Variants in MATR3 observed in about 807,000 individuals in gnomAD.
MATR3 encodes the protein matrin-3.
A neutral mutation model predicts 85.5 loss-of-function variants in MATR3; 4 were observed. The observed-to-expected ratio is 0.05, with a 90% confidence interval of 0.02 to 0.11. The LOEUF (loss-of-function observed/expected upper bound fraction) is 0.11. MATR3 is among the 10% of genes least tolerant of loss of function. The pLI is 1.00. For synonymous variants in MATR3, 336 were observed against 343.1 expected, an observed-to-expected ratio of 0.98 and a Z score of 0.23; for missense variants, 685 against 1,016.1, an observed-to-expected ratio of 0.67 and a Z score of 4.43.
At chr5:139,276,853 A>C (rs1026738730) in intron 2 of MATR3, among the ~76,000 whole-genome samples, 2 of 152,194 alleles carry the variant, frequency 1.3e-5, no homozygotes, top group Non-Finnish European at 2.9e-5. Context: ...TATTAGGGAA[A>C]CATTGATGGT....
intron 3 of MATR3, among the ~76,000 whole-genome samples, chr5:139,284,556 T>C (rs577580897): frequency 2.6e-5 from 4 of 151,552 alleles, no homozygotes; most frequent in Admixed American, 2.6e-4. Flanking sequence ...TGCAGTGAGC[T>C]GAGATCGTGC....
chr5:139,287,019 A>G (rs1753728845), intron 3 of MATR3, among the ~76,000 whole-genome samples: 1 of 152,192 alleles, frequency 6.6e-6, no homozygotes, highest in Non-Finnish European at 1.5e-5. Context: ...CAATAGTAAT[A>G]AATAGTCTCT....
rs771163425 is a variant in MATR3, at chr5:139,307,874, C to T, written c.459C>T (p.Gly153=). The T allele has an allele frequency of 1.2e-6, 2 of 1,614,038 alleles. No individual in the cohort carries two copies. Among genetic ancestry groups the T allele is most frequent in the Non-Finnish European group, 1.7e-6 (2 of 1,179,998 alleles). ...LQLKRRRTEE[G]PTLSYGRDGR... Reference sequence around the variant, plus strand: ...TTAAAAGGAGGAGAACTGAAGAAGGCCCTACCTTGAGTTATGGTAGAGATG... The same window carrying T: ...TTAAAAGGAGGAGAACTGAAGAAGGTCCTACCTTGAGTTATGGTAGAGATG... The change falls in exon 2 of 15, where the codon GGC becomes GGT. Residue 153 remains glycine, a synonymous_variant. Coordinates refer to ENST00000394805, the MANE Select transcript of MATR3 (RefSeq NM_018834.6). The surrounding 1 kb of genome is among the most constrained non-coding windows in gnomAD (Gnocchi z 4.4).
intron 1 of MATR3, chr5:139,299,751 G>T (rs1157654645): frequency 6.6e-6 from 1 of 152,196 alleles, no homozygotes; most frequent in Non-Finnish European, 1.5e-5. Context: ...GATGTTTCAG[G>T]TTGTTTATGT....
intron 9 of MATR3, among the ~76,000 whole-genome samples, chr5:139,321,345 G>A (rs1468656224): frequency 6.6e-6 from 1 of 152,008 alleles, no homozygotes; most frequent in South Asian, 2.1e-4. Context: ...TAGAGATGGG[G>A]TTTCACCATA....
At chr5:139,316,841 C>T (rs1044183039) in intron 5 of MATR3, among the ~76,000 whole-genome samples, 3 of 152,090 alleles carry the variant, frequency 2.0e-5, no homozygotes, top group African/African-American at 7.2e-5. Context: ...TCACCACACC[C>T]GGCCCCATTC....
chr5:139,308,962 T>G (rs1754837637), intron 2 of MATR3, among the ~76,000 whole-genome samples: 1 of 152,202 alleles, frequency 6.6e-6, no homozygotes, highest in Non-Finnish European at 1.5e-5. Context: ...AAAACTCACT[T>G]TTTATTATCC....
At chr5:139,315,008 A>G (rs564087234) in intron 3 of MATR3, 81 of 402,570 alleles carry the variant, frequency 2.0e-4, no homozygotes, top group African/African-American at 1.6e-3. Context: ...AGACATAGTG[A>G]AAGATAGTAT....
intron 9 of MATR3, among the ~76,000 whole-genome samples, chr5:139,320,131 A>AC (rs1300520330): frequency 6.7e-6 from 1 of 149,602 alleles, no homozygotes; most frequent in Non-Finnish European, 1.5e-5. Context: ...ACACAGTGAA[A>AC]CCCCCTCTCT....
intron 3 of MATR3, chr5:139,285,225 C>G (rs893662527): frequency 2.6e-5 from 4 of 152,234 alleles, no homozygotes; most frequent in Admixed American, 2.0e-4. Context: ...CAGATTCTTA[C>G]AACTATTTCA....
At chr5:139,326,516 G>C (rs1755861037) in intron 14 of MATR3, among the ~76,000 whole-genome samples, 2 of 151,564 alleles carry the variant, frequency 1.3e-5, no homozygotes, top group African/African-American at 4.9e-5. Flanking sequence ...TACCTCCTGG[G>C]TTCAAGCAAT....
intron 1 of MATR3, chr5:139,294,929 T>C (rs1330134601): frequency 6.6e-6 from 1 of 152,158 alleles, no homozygotes; most frequent in Non-Finnish European, 1.5e-5. Context: ...CTAGAACGGT[T>C]ATGGTGGTTC....
chr5:139,330,776 T>C lies in MATR3; in HGVS notation c.*1381T>C, dbSNP rs904380790. The C allele has an allele frequency of 2.2e-6, 1 of 454,008 alleles. No individual in the cohort carries two copies. The highest frequency in any genetic ancestry group is 2.0e-5 in the African/African-American group (1 of 50,016). The allele number at this position is 454,008 out of a possible 1,614,324, so 28.1% of individuals were successfully genotyped here. ...AATAATTACGTAGAGACTCTTGGTA[T>C]ATTGGATTATCTGTTGTAAACAATT... On this transcript the variant is annotated 3_prime_UTR_variant, in exon 15 of 15. Transcript: ENST00000394805.
intron 7 of MATR3, 96 bp from the exon 8 acceptor site, chr5:139,318,812 T>G (rs555610885): frequency 3.7e-6 from 4 of 1,092,136 alleles, no homozygotes; most frequent in Non-Finnish European, 5.6e-6. Flanking sequence ...CTGAAAAGAT[T>G]TGGGGCATTG....
Position 139,330,815 on chromosome 5 carries a change from T to C in MATR3, c.*1420T>C, listed in dbSNP as rs1171574440. On this transcript the variant is annotated 3_prime_UTR_variant, in exon 15 of 15. Transcript: ENST00000394805. ...TTGTAAACAATTTTTTTTTCTTCCC[T>C]GACACAGGGTCTCACTCTGTCACCC... The C allele has an allele frequency of 8.8e-6, 4 of 454,002 alleles. No individual in the cohort carries two copies. The highest frequency in any genetic ancestry group is 4.0e-5 in the African/African-American group (2 of 50,016). 28.1% of individuals were successfully genotyped at this position (454,002 alleles called of 1,614,324 possible). A position where few individuals can be genotyped will look rare whatever the true frequency, so the allele number is the denominator to read the frequency against.
chr5:139,280,420 AATGTTATCAAT>A (rs1022685103), intron 3 of MATR3: 7 of 152,214 alleles, frequency 4.6e-5, no homozygotes, highest in African/African-American at 1.7e-4. Context: ...TGAAAAGTTT[AATGTTATCAAT>A]AGCTTTGCCT....
chr5:139,331,148 C>G lies in MATR3; in HGVS notation c.*1753C>G, dbSNP rs1265230611. On this transcript the variant is annotated 3_prime_UTR_variant, in exon 15 of 15. Transcript: ENST00000394805. Reference sequence around the variant, plus strand: ...CAAAAACAGGATAGGCATTGTCTTTCAAATGTTCAGACCCCAGTTTATTAA... The same window carrying G: ...CAAAAACAGGATAGGCATTGTCTTTGAAATGTTCAGACCCCAGTTTATTAA... 6.6e-6 allele frequency: 3 copies of G among 454,084 alleles called. No homozygotes were observed. In the Admixed American group the frequency reaches 7.0e-5, roughly 11 times the overall value. 28.1% of individuals were successfully genotyped at this position (454,084 alleles called of 1,614,324 possible). A position where few individuals can be genotyped will look rare whatever the true frequency, so the allele number is the denominator to read the frequency against.
chr5:139,278,961 A>C, intron 2 of MATR3: 1 of 516,782 alleles, frequency 1.9e-6, no homozygotes, highest in Non-Finnish European at 3.9e-6. Context: ...AGTTGATCCT[A>C]GTCTGGGTGC....
At chr5:139,289,733 G>T (rs1753813183), upstream of MATR3, among the ~76,000 whole-genome samples, 1 of 152,156 alleles carries the variant, frequency 6.6e-6, no homozygotes, top group Non-Finnish European at 1.5e-5. Context: ...AATTCGTTGT[G>T]CTGAAGTCCC....
Sources: allele counts gnomAD v4.1 joint callset (sites outside exome capture counted in the v4.1 genomes callset), GRCh38; gene constraint gnomAD v4.1.1; non-coding constraint Gnocchi (gnomAD v3.1); transcripts MANE v1.5; gene names NCBI Gene and HGNC (gene_info 2026-07-23, HGNC 2026-07-21).